The following RYR3 variants were observed in gnomAD, a reference collection of about 807,000 sequenced individuals.
RYR3 encodes ryanodine receptor 3.
RYR3 carries 207 observed loss-of-function variants against 584.3 expected under a neutral mutation model. The observed-to-expected ratio is 0.35, with a 90% CI of 0.32 to 0.40. RYR3 has a LOEUF of 0.40. Among genes scored for constraint, RYR3 ranks in the 10% least tolerant of loss-of-function variants. The probability of loss-of-function intolerance (pLI) is 1.00; values close to 1 mark genes in which losing one functional copy is unlikely to be tolerated. For synonymous variants in RYR3, 2,416 were observed against 2,248.5 expected (o/e 1.07, Z -2.11); for missense variants, 5,616 against 6,089.2 (o/e 0.92, Z 2.59).
intron 1 of RYR3, among the ~76,000 whole-genome samples, chr15:33,427,087 A>G (rs1425514226): frequency 6.6e-6 from 1 of 152,190 alleles, no homozygotes; most frequent in Non-Finnish European, 1.5e-5. Flanking sequence ...TTAGTTCATA[A>G]CAGCTGGGTT....
intron 60 of RYR3, chr15:33,757,917 G>A (rs10163059): frequency 0.024 from 7,266 of 301,324 alleles, 451 homozygotes; most frequent in African/African-American, 0.14. Context: ...AAGGAGAGTG[G>A]TGTCTGCATT....
At chr15:33,672,200 G>T (rs1239516291) in intron 38 of RYR3, among the ~76,000 whole-genome samples, 1 of 149,040 alleles carries the variant, frequency 6.7e-6, no homozygotes, top group African/African-American at 2.5e-5. Context: ...TGAGGTAAAT[G>T]GAGTCAGTCA....
At chr15:33,803,598 C>T (rs979319529) in intron 69 of RYR3, among the ~76,000 whole-genome samples, 4 of 152,160 alleles carry the variant, frequency 2.6e-5, no homozygotes, top group Admixed American at 1.3e-4. Flanking sequence ...TCTCTGTGAG[C>T]TCTGCCTCCC....
At chr15:33,351,752 A>G (rs1973295901) in intron 1 of RYR3, among the ~76,000 whole-genome samples, 1 of 151,524 alleles carries the variant, frequency 6.6e-6, no homozygotes, top group Non-Finnish European at 1.5e-5. Context: ...TATTGATGGG[A>G]TGTATCTCAA....
intron 16 of RYR3, among the ~76,000 whole-genome samples, chr15:33,597,867 A>G (rs937321993): frequency 2.0e-5 from 3 of 151,870 alleles, no homozygotes; most frequent in African/African-American, 7.3e-5. Context: ...AGGCGTGCCA[A>G]TGGAAGTACA....
intron 3 of RYR3, among the ~76,000 whole-genome samples, chr15:33,514,877 G>A (rs1046361284): frequency 3.3e-5 from 5 of 151,952 alleles, no homozygotes; most frequent in Admixed American, 6.6e-5. Context: ...GGTGGCGGGC[G>A]CCTGTAGTCC....
intron 1 of RYR3, among the ~76,000 whole-genome samples, chr15:33,355,769 T>C (rs1973885823): frequency 6.6e-6 from 1 of 152,128 alleles, no homozygotes; most frequent in Non-Finnish European, 1.5e-5. Context: ...CCTAGCTAGG[T>C]ATAACCGGTG....
chr15:33,726,956 G>A (rs1235444702), intron 46 of RYR3, among the ~76,000 whole-genome samples: 1 of 152,204 alleles, frequency 6.6e-6, no homozygotes, highest in African/African-American at 2.4e-5. Context: ...TCTTGTCTGT[G>A]TCAGGACAAT....
At chr15:33,676,086 G>A (rs367944855) in intron 38 of RYR3, among the ~76,000 whole-genome samples, 1 of 152,104 alleles carries the variant, frequency 6.6e-6, no homozygotes, top group Non-Finnish European at 1.5e-5. Flanking sequence ...AGGAAATCTC[G>A]ATTATTGGAG....
At chr15:33,431,007 G>C (rs35453837) in intron 1 of RYR3, among the ~76,000 whole-genome samples, 1 of 152,204 alleles carries the variant, frequency 6.6e-6, no homozygotes, top group Admixed American at 6.5e-5. Context: ...ACTAGACTTA[G>C]GGGCTCAAAA....
intron 101 of RYR3, 111 bp downstream of exon 101, chr15:33,860,770 C>CAATAGGTTTTACTATTACTTAGG: frequency 1.1e-6 from 1 of 872,748 alleles, no homozygotes; most frequent in African/African-American, 1.7e-5. Context: ...TAAGCAAGAA[C>CAATAGGTTTTACTATTACTTAGG]GCAGTTTGTT....
intron 5 of RYR3, among the ~76,000 whole-genome samples, chr15:33,537,416 G>A (rs561432020): frequency 2.7e-5 from 4 of 149,382 alleles, no homozygotes; most frequent in Non-Finnish European, 4.4e-5. Flanking sequence ...CCTCACTGTG[G>A]TGGAACACAT....
At chr15:33,656,829 C>T (rs538669291) in intron 32 of RYR3, among the ~76,000 whole-genome samples, 2 of 152,294 alleles carry the variant, frequency 1.3e-5, no homozygotes, top group Admixed American at 6.5e-5. Context: ...AACAAGGGCA[C>T]GTCCAGTTTT....
At chr15:33,675,207 C>A (rs1424755582) in intron 38 of RYR3, among the ~76,000 whole-genome samples, 1 of 152,240 alleles carries the variant, frequency 6.6e-6, no homozygotes, top group Admixed American at 6.5e-5. Flanking sequence ...CTAACACTTA[C>A]GTGGTACCCA....
intron 26 of RYR3, 147 bp from the exon 27 acceptor site, chr15:33,636,229 C>T (rs777666531): frequency 2.6e-5 from 19 of 718,852 alleles, no homozygotes; most frequent in Non-Finnish European, 4.1e-5. Context: ...TAACATAGAC[C>T]ACTCCTCCTT....
chr15:33,610,358 C>A (rs1205200587), intron 18 of RYR3, among the ~76,000 whole-genome samples: 1 of 152,178 alleles, frequency 6.6e-6, no homozygotes, highest in African/African-American at 2.4e-5. Context: ...CACATACGTA[C>A]CTTCATTCCA....
intron 71 of RYR3, 98 bp downstream of exon 71, chr15:33,810,747 G>A: frequency 6.8e-7 from 1 of 1,461,970 alleles, no homozygotes; most frequent in Admixed American, 1.9e-5. Flanking sequence ...CTGGGGGGCG[G>A]GGAGCAGATG....
At chr15:33,440,967 T>C (rs1003053307) in intron 1 of RYR3, among the ~76,000 whole-genome samples, 5 of 152,214 alleles carry the variant, frequency 3.3e-5, no homozygotes, top group African/African-American at 1.2e-4. Context: ...ACTGGCTCTT[T>C]CTTGTGGTGG....
intron 60 of RYR3, chr15:33,757,835 A>C: frequency 1.9e-6 from 1 of 525,454 alleles, no homozygotes; most frequent in Non-Finnish European, 3.4e-6. Context: ...AATTAAATCA[A>C]CATCGGGACA....
Sources: gnomAD v4.1 joint callset for allele counts (sites outside exome capture counted in the v4.1 genomes callset) on GRCh38, gnomAD v4.1.1 for gene constraint, MANE v1.5 for transcripts, NCBI Gene and HGNC (gene_info 2026-07-23, HGNC 2026-07-21) for gene names.